The following RPA1 variants were observed in gnomAD, a reference collection of about 807,000 sequenced individuals.
The protein encoded by RPA1 is replication protein A1.
RPA1 carries 49 observed loss-of-function variants against 83.0 expected under a neutral mutation model. That is an observed-to-expected ratio of 0.59 (90% confidence interval 0.47 to 0.75). The LOEUF is 0.75. Among genes scored for constraint, RPA1 ranks in the 30% least tolerant of loss-of-function variants. RPA1 has a pLI of 0.00. For synonymous variants in RPA1, 279 were observed against 281.8 expected, an observed-to-expected ratio of 0.99 and a Z score of 0.10; for missense variants, 693 against 776.1, an observed-to-expected ratio of 0.89 and a Z score of 1.27.
chr17:1,869,204 G>A (rs1049112834), intron 5 of RPA1, among the ~76,000 whole-genome samples: 7 of 152,194 alleles, frequency 4.6e-5, no homozygotes, highest in African/African-American at 1.7e-4. Context: ...TGATAGGTGT[G>A]AGTGCAAATA....
intron 4 of RPA1, among the ~76,000 whole-genome samples, chr17:1,846,176 A>T (rs1402478116): frequency 6.6e-6 from 1 of 152,034 alleles, no homozygotes; most frequent in Non-Finnish European, 1.5e-5. Flanking sequence ...TTATGCTAGA[A>T]TGACCACTTG....
At chr17:1,888,089 T>C (rs1267794936) in intron 13 of RPA1, among the ~76,000 whole-genome samples, 1 of 152,128 alleles carries the variant, frequency 6.6e-6, no homozygotes, top group East Asian at 1.9e-4. Context: ...AAGTGAGGTG[T>C]GTCTGTAGTT....
At chr17:1,886,655 C>G (rs1914004347) in intron 13 of RPA1, among the ~76,000 whole-genome samples, 1 of 151,484 alleles carries the variant, frequency 6.6e-6, no homozygotes, top group Non-Finnish European at 1.5e-5. Flanking sequence ...GGCTTATTTC[C>G]TTAAACCTCA....
At chr17:1,879,745 G>C (rs764587202) in intron 11 of RPA1, 46 bp downstream of exon 11, 13 of 1,611,714 alleles carry the variant, frequency 8.1e-6, no homozygotes, top group Non-Finnish European at 9.3e-6. Context: ...ACCTCCTGGG[G>C]TTGGGGCGTG....
chr17:1,870,075 G>C (rs1913321838), intron 5 of RPA1, among the ~76,000 whole-genome samples: 1 of 152,146 alleles, frequency 6.6e-6, no homozygotes, highest in South Asian at 2.1e-4. Context: ...CAGATGTCCT[G>C]CTTCCCAGCT....
At chr17:1,886,668 A>G (rs1914004629) in intron 13 of RPA1, among the ~76,000 whole-genome samples, 1 of 150,304 alleles carries the variant, frequency 6.7e-6, no homozygotes, top group Non-Finnish European at 1.5e-5. Context: ...AAACCTCATG[A>G]ACCAACATCT....
intron 4 of RPA1, among the ~76,000 whole-genome samples, chr17:1,845,101 T>C (rs1912205976): frequency 6.6e-6 from 1 of 152,014 alleles, no homozygotes; most frequent in Non-Finnish European, 1.5e-5. Context: ...AAAAGTATCT[T>C]TTAATGAAAA....
intron 13 of RPA1, among the ~76,000 whole-genome samples, chr17:1,888,181 C>T (rs1363961975): frequency 1.3e-5 from 2 of 152,168 alleles, no homozygotes; most frequent in Non-Finnish European, 2.9e-5. Context: ...TTGCTGATCC[C>T]TGGCCTAAAC....
intron 1 of RPA1, among the ~76,000 whole-genome samples, chr17:1,838,466 G>A (rs1911908174): frequency 6.6e-6 from 1 of 151,940 alleles, no homozygotes; most frequent in Non-Finnish European, 1.5e-5. Flanking sequence ...AGCCGGGCGT[G>A]GTGGCGCATG....
At chr17:1,841,892 A>C (rs17338544) in intron 1 of RPA1, among the ~76,000 whole-genome samples, 1 of 152,102 alleles carries the variant, frequency 6.6e-6, no homozygotes, top group African/African-American at 2.4e-5. Flanking sequence ...TATTCTTTGA[A>C]TGTGACAAAT....
intron 10 of RPA1, 69 bp downstream of exon 10, chr17:1,879,476 G>T: frequency 6.2e-7 from 1 of 1,611,406 alleles, no homozygotes; most frequent in Non-Finnish European, 8.5e-7. Context: ...GGTGGTGTCA[G>T]GCTTCAGTGC....
chr17:1,834,772 G>C (rs893233823), intron 1 of RPA1, among the ~76,000 whole-genome samples: 6 of 152,168 alleles, frequency 3.9e-5, no homozygotes, highest in Admixed American at 6.6e-5. Context: ...TTTTACAGAG[G>C]AAGGAAGTAC....
At chr17:1,875,627 A>C (rs1913544236) in intron 6 of RPA1, 34 bp from the exon 7 acceptor site, 2 of 1,597,404 alleles carry the variant, frequency 1.3e-6, no homozygotes, top group Non-Finnish European at 1.7e-6. Context: ...GTAGAATAGT[A>C]ATAACTCCTT....
chr17:1,856,355 TG>T (rs869075904), intron 5 of RPA1, among the ~76,000 whole-genome samples: 4 of 36 alleles, frequency 0.11, no homozygotes, highest in African/African-American at 0.33. Flanking sequence ...CCAAAACTTT[TG>T]GGGAAGCTGA....
chr17:1,844,740 A>G, intron 4 of RPA1, 54 bp downstream of exon 4: 2 of 1,372,716 alleles, frequency 1.5e-6, no homozygotes, highest in Non-Finnish European at 2.0e-6. Flanking sequence ...GAACAAATTT[A>G]GGAATAAAAA....
Position 1,878,988 on chromosome 17 carries a change from T to C in RPA1, c.691-5T>C. 2 of 1,614,230 alleles carry C rather than the reference T, an allele frequency of 1.2e-6. No individual in the cohort carries two copies. Among genetic ancestry groups the C allele is most frequent in the Non-Finnish European group, 1.7e-6 (2 of 1,180,040 alleles). ...CAGCCCTAACCTGCCCACGTGCTTCTGCAGGGTGAAATCCGAGCTACAGCT... is the reference window on the plus strand; with the variant it reads ...CAGCCCTAACCTGCCCACGTGCTTCCGCAGGGTGAAATCCGAGCTACAGCT... On this transcript the variant is annotated splice_polypyrimidine_tract_variant and splice_region_variant and intron_variant, in intron 8 of 16. Coordinates refer to ENST00000254719, the MANE Select transcript of RPA1 (RefSeq NM_002945.5).
chr17:1,889,771 G>A (rs1449431276), intron 14 of RPA1, among the ~76,000 whole-genome samples: 14 of 151,264 alleles, frequency 9.3e-5, no homozygotes, highest in African/African-American at 2.4e-4. Flanking sequence ...AGGCCGAGGC[G>A]GGTGCGTCAC....
intron 5 of RPA1, among the ~76,000 whole-genome samples, chr17:1,868,061 G>T (rs143811193): frequency 0.011 from 1,625 of 152,120 alleles, 34 homozygotes; most frequent in African/African-American, 0.038. Flanking sequence ...TCCAACCTGG[G>T]CATTGGAGCA....
At chr17:1,889,394 G>T (rs1303149406) in intron 14 of RPA1, among the ~76,000 whole-genome samples, 3 of 150,970 alleles carry the variant, frequency 2.0e-5, no homozygotes, top group African/African-American at 7.3e-5. Flanking sequence ...AGAGTGCAAT[G>T]GTATCATCAC....
Sources: gnomAD v4.1 joint callset for allele counts (sites outside exome capture counted in the v4.1 genomes callset) on GRCh38, gnomAD v4.1.1 for gene constraint, MANE v1.5 for transcripts, NCBI Gene and HGNC (gene_info 2026-07-23, HGNC 2026-07-21) for gene names.